Variants in ACTR3C observed in about 807,000 individuals in gnomAD.
ACTR3C encodes actin related protein 3C, also known as actin-related protein 3C.
Under a neutral mutation model 26.3 loss-of-function variants are expected in ACTR3C, and 18 were observed. That is an observed-to-expected ratio of 0.68 (90% CI 0.47 to 1.01). The LOEUF is 1.01. Ranked by LOEUF, ACTR3C falls within the 50% of genes least tolerant of loss-of-function variation. The probability of loss-of-function intolerance (pLI) is 0.00; values close to 1 mark genes in which losing one functional copy is unlikely to be tolerated. For synonymous variants in ACTR3C, 55 were observed against 94.5 expected, an observed-to-expected ratio of 0.58 and a Z score of 2.42; for missense variants, 184 against 250.7, an observed-to-expected ratio of 0.73 and a Z score of 1.80.
the ACTR3C span, among the ~76,000 whole-genome samples, chr7:149,953,353 T>G: frequency 6.7e-6 from 1 of 149,742 alleles, no homozygotes; most frequent in Non-Finnish European, 1.5e-5. Context: ...AGGTCACTTT[T>G]GTATTTCCCT....
the ACTR3C span, chr7:150,047,523 C>G: frequency 1.7e-3 from 1,208 of 726,152 alleles, 15 homozygotes; most frequent in African/African-American, 0.021. Context: ...GATTCCCCCC[C>G]CCACAGATGC....
At chr7:149,953,888 T>G in the ACTR3C span, among the ~76,000 whole-genome samples, 1 of 138,698 alleles carries the variant, frequency 7.2e-6, no homozygotes, top group Non-Finnish European at 1.5e-5. Flanking sequence ...AAGGAATACA[T>G]GGCAGGGAGT....
At chr7:150,177,968 G>A in the ACTR3C span, among the ~76,000 whole-genome samples, 1 of 150,720 alleles carries the variant, frequency 6.6e-6, no homozygotes, top group East Asian at 1.9e-4. Context: ...TAATAAAGGG[G>A]ACATTACAAA....
At chr7:150,113,863 CT>C in the ACTR3C span, among the ~76,000 whole-genome samples, 3 of 151,928 alleles carry the variant, frequency 2.0e-5, no homozygotes, top group African/African-American at 2.4e-5. Context: ...TAAGTAGCCT[CT>C]TTTTTTTCCT....
the ACTR3C span, among the ~76,000 whole-genome samples, chr7:149,903,382 G>T: frequency 1.3e-5 from 2 of 152,158 alleles, no homozygotes; most frequent in South Asian, 2.1e-4. Context: ...GTCAATAAAG[G>T]TTGCCGGATT....
At chr7:150,316,018 A>G (rs1433871278) in intron 1 of ACTR3C, among the ~76,000 whole-genome samples, 2 of 152,160 alleles carry the variant, frequency 1.3e-5, no homozygotes, top group Non-Finnish European at 2.9e-5. Flanking sequence ...ACCAACATGG[A>G]GAAACCCCGT....
At chr7:150,034,147 T>C in the ACTR3C span, among the ~76,000 whole-genome samples, 1 of 151,818 alleles carries the variant, frequency 6.6e-6, no homozygotes, top group East Asian at 1.9e-4. Context: ...CATCACAAAA[T>C]AGGGGGCCTT....
At chr7:149,960,455 C>T in the ACTR3C span, among the ~76,000 whole-genome samples, 1 of 152,120 alleles carries the variant, frequency 6.6e-6, no homozygotes. Flanking sequence ...CTACAAACAA[C>T]CCAAGCCCAC....
the ACTR3C span, among the ~76,000 whole-genome samples, chr7:150,037,237 T>C: frequency 0.019 from 608 of 31,906 alleles, 79 homozygotes; most frequent in Middle Eastern, 0.065. Flanking sequence ...TACCTGCCGT[T>C]GGAAGATTTG....
At chr7:149,905,870 G>A in the ACTR3C span, among the ~76,000 whole-genome samples, 8 of 152,056 alleles carry the variant, frequency 5.3e-5, no homozygotes, top group Non-Finnish European at 1.0e-4. Flanking sequence ...GAGGAGTAAC[G>A]TGGCAATACC....
chr7:150,025,280 A>G, the ACTR3C span, among the ~76,000 whole-genome samples: 1 of 151,702 alleles, frequency 6.6e-6, no homozygotes, highest in African/African-American at 2.4e-5. Flanking sequence ...AGTACACTCT[A>G]CCCTCTGGTG....
At chr7:150,081,281 GAGAAAGAGAAGAAAT>G in the ACTR3C span, among the ~76,000 whole-genome samples, 7 of 146,104 alleles carry the variant, frequency 4.8e-5, no homozygotes, top group African/African-American at 1.6e-4. Flanking sequence ...AAGAAAGAGG[GAGAAAGAGAAGAAAT>G]AGAAAGAGAA....
At chr7:150,271,499 T>C (rs1466986631) in intron 6 of ACTR3C, among the ~76,000 whole-genome samples, 1 of 150,802 alleles carries the variant, frequency 6.6e-6, no homozygotes, top group Non-Finnish European at 1.5e-5. Context: ...TCCATGTCCC[T>C]GCAAAGGACA....
the ACTR3C span, among the ~76,000 whole-genome samples, chr7:149,887,789 G>C: frequency 6.6e-6 from 1 of 152,204 alleles, no homozygotes; most frequent in Non-Finnish European, 1.5e-5. Context: ...GAGGGACCAG[G>C]GGAGGTAATT....
At chr7:150,165,993 T>G in the ACTR3C span, among the ~76,000 whole-genome samples, 115 of 150,058 alleles carry the variant, frequency 7.7e-4, no homozygotes, top group Non-Finnish European at 1.0e-3. Context: ...GTGTTGAAAC[T>G]GTGAAAACTG....
At chr7:149,930,913 T>C in the ACTR3C span, among the ~76,000 whole-genome samples, 4 of 152,236 alleles carry the variant, frequency 2.6e-5, no homozygotes, top group African/African-American at 4.8e-5. Flanking sequence ...TCGCTCAGGC[T>C]AGAGTGTAGT....
the ACTR3C span, among the ~76,000 whole-genome samples, chr7:149,914,326 T>C: frequency 6.6e-6 from 1 of 152,128 alleles, no homozygotes; most frequent in Non-Finnish European, 1.5e-5. Context: ...GCACAGTGGC[T>C]CACACCTGTA....
the ACTR3C span, among the ~76,000 whole-genome samples, chr7:150,149,000 T>C: frequency 0.24 from 35,862 of 149,474 alleles, 5,585 homozygotes; most frequent in Non-Finnish European, 0.35. Context: ...ATGCTGCCAC[T>C]TTTGCCACCG....
the ACTR3C span, among the ~76,000 whole-genome samples, chr7:150,054,534 G>A: frequency 2.6e-5 from 4 of 152,230 alleles, no homozygotes; most frequent in Non-Finnish European, 5.9e-5. Context: ...AACACACTTG[G>A]AGAAGACCTC....
Sources: allele counts gnomAD v4.1 joint callset (sites outside exome capture counted in the v4.1 genomes callset), GRCh38; gene constraint gnomAD v4.1.1; transcripts MANE v1.5; gene names NCBI Gene and HGNC (gene_info 2026-07-23, HGNC 2026-07-21).